Variants in FHIT observed in about 807,000 individuals in gnomAD.
FHIT encodes the protein bis(5'-adenosyl)-triphosphatase.
FHIT carries 19 observed loss-of-function variants against 17.9 expected under a neutral mutation model. The observed-to-expected ratio is 1.06, with a 90% CI of 0.74 to 1.56. FHIT has a LOEUF of 1.56. Among genes scored for constraint, FHIT ranks in the 40% most tolerant of loss-of-function variants. The pLI, the probability that FHIT is intolerant of heterozygous loss-of-function variation, is 0.00. For missense variants in FHIT, 248 were observed against 189.2 expected, an observed-to-expected ratio of 1.31 and a Z score of -1.82; for synonymous variants, 81 against 69.7, an observed-to-expected ratio of 1.16 and a Z score of -0.81.
intron 5 of FHIT, among the ~76,000 whole-genome samples, chr3:60,477,100 C>CT (rs35534111): frequency 6.6e-6 from 1 of 151,966 alleles, no homozygotes; most frequent in South Asian, 2.1e-4. Context: ...CAATCACCAC[C>CT]TTTTTTTCCT....
At position 60,013,618 on chromosome 3, in the gene FHIT, C is replaced by T. The variant is rs1344761068; in HGVS notation, c.249+389G>A. 2.6e-5 allele frequency among the ~76,000 whole-genome samples: 4 copies of T among 152,316 alleles called. No homozygotes were observed. The South Asian group carries it at 6.2e-4, about 24-fold the overall frequency. On this transcript the variant is annotated intron_variant, in intron 6 of 9. Coordinates refer to ENST00000492590, the MANE Select transcript of FHIT (RefSeq NM_002012.4). ...AAGACAGACAAAAGGTAAGGCCCAA[C>T]CTAAGCTGCATATCACTGCCACCCT... is the stretch of plus-strand genomic sequence containing the variant.
intron 8 of FHIT, among the ~76,000 whole-genome samples, chr3:59,809,116 C>T (rs1000808151): frequency 6.6e-6 from 1 of 152,144 alleles, no homozygotes. Context: ...GGAACACATA[C>T]TGGGTTGAAG....
At chr3:60,824,156 G>T (rs1702034152) in intron 3 of FHIT, among the ~76,000 whole-genome samples, 1 of 152,188 alleles carries the variant, frequency 6.6e-6, no homozygotes, top group Non-Finnish European at 1.5e-5. Context: ...TGGCTATTCG[G>T]TAAGAATAAA....
intron 5 of FHIT, among the ~76,000 whole-genome samples, chr3:60,414,781 T>A (rs965104330): frequency 6.6e-6 from 1 of 152,154 alleles, no homozygotes. Context: ...TAGTAGAAGA[T>A]GTGAGCATGC....
chr3:60,913,101 T>C (rs868963632), intron 3 of FHIT, among the ~76,000 whole-genome samples: 9 of 152,350 alleles, frequency 5.9e-5, no homozygotes, highest in South Asian at 2.1e-4. Context: ...AAAGCATCCA[T>C]GTTGGTTAAA....
intron 5 of FHIT, among the ~76,000 whole-genome samples, chr3:60,530,949 C>A (rs887755160): frequency 3.2e-4 from 49 of 152,242 alleles, no homozygotes; most frequent in African/African-American, 1.2e-3. Flanking sequence ...AAACCTTTCC[C>A]ACAGAAGTAG....
intron 3 of FHIT, among the ~76,000 whole-genome samples, chr3:60,961,512 T>C (rs972241715): frequency 6.6e-6 from 1 of 152,230 alleles, no homozygotes; most frequent in Non-Finnish European, 1.5e-5. Flanking sequence ...CCCATGCCTA[T>C]ATCCTGAATG....
chr3:60,881,991 C>T (rs1310640366), intron 3 of FHIT, among the ~76,000 whole-genome samples: 6 of 151,760 alleles, frequency 4.0e-5, no homozygotes, highest in African/African-American at 1.5e-4. Context: ...AATTAACAAA[C>T]CACGAGCTAA....
rs1219466616 is a variant in FHIT at position 60,895,661 on chromosome 3, CCTTCCTTTCTTTCTTTCTTT to C, written c.-110-73670_-110-73651del. Among the ~76,000 whole-genome samples the C allele has an allele frequency of 7.1e-3, 994 of 139,160 alleles. 32 individuals are homozygous for C. Among genetic ancestry groups the C allele is most frequent in the African/African-American group, 0.028 (942 of 34,154 alleles). The allele number at this position is 139,160 out of a possible 152,430, so 91.3% of individuals were successfully genotyped here. On this transcript the variant is annotated intron_variant, in intron 3 of 9. Transcript: ENST00000492590. Reference sequence around the variant, plus strand: ...CTTTCCTTCCTTTCCCTCCTTCCTTCCTTCCTTTCTTTCTTTCTTTCTTTCTTTCTTTCTTTCTTTCTTTC... The same window carrying C: ...CTTTCCTTCCTTTCCCTCCTTCCTTCCTTTCTTTCTTTCTTTCTTTCTTTC...
intron 4 of FHIT, among the ~76,000 whole-genome samples, chr3:60,762,779 C>T (rs782518962): frequency 5.9e-5 from 9 of 151,930 alleles, no homozygotes; most frequent in Non-Finnish European, 1.2e-4. Flanking sequence ...AGTTGACAGT[C>T]TTAGAAAAAG....
intron 4 of FHIT, among the ~76,000 whole-genome samples, chr3:60,790,469 C>A (rs1553728191): frequency 6.6e-6 from 1 of 152,152 alleles, no homozygotes; most frequent in Non-Finnish European, 1.5e-5. Context: ...ACAAAAGCTG[C>A]AGTAGTCTCC....
At chr3:60,521,189 G>C (rs1467479512) in intron 5 of FHIT, among the ~76,000 whole-genome samples, 2 of 151,552 alleles carry the variant, frequency 1.3e-5, no homozygotes, top group Non-Finnish European at 2.9e-5. Context: ...TCCATTCCAA[G>C]ACCCATGCTC....
intron 5 of FHIT, among the ~76,000 whole-genome samples, chr3:60,048,713 T>C (rs186387381): frequency 1.3e-5 from 2 of 152,320 alleles, no homozygotes; most frequent in East Asian, 3.9e-4. Context: ...TCTGAGAATG[T>C]GATACTTGGA....
At chr3:60,190,628 C>A (rs993473424) in intron 5 of FHIT, among the ~76,000 whole-genome samples, 2 of 150,920 alleles carry the variant, frequency 1.3e-5, no homozygotes, top group Admixed American at 1.3e-4. Flanking sequence ...GGTGGGGGAG[C>A]AGGGAGGGAT....
chr3:61,174,388 ATG>A (rs1459729997), intron 2 of FHIT, among the ~76,000 whole-genome samples: 1 of 152,260 alleles, frequency 6.6e-6, no homozygotes, highest in East Asian at 1.9e-4. Context: ...GATATAATTT[ATG>A]TGAGTAAGCA....
In FHIT at chr3:61,202,713, A is replaced by G. The variant is rs546067702; in HGVS notation, c.-212-2048T>C. Among the ~76,000 whole-genome samples the G allele has an allele frequency of 4.6e-5, 7 of 152,206 alleles. No individual in the cohort carries two copies. In the South Asian group the frequency reaches 1.4e-3, roughly 31 times the overall value. On this transcript the variant is annotated intron_variant, in intron 1 of 9. Transcript: ENST00000492590. ...TCTTAAAGTCAACCAGAGAGGGAAAAAAAAGAGACTTCTAGCAAAAGAACA... is the reference window on the plus strand; with the variant it reads ...TCTTAAAGTCAACCAGAGAGGGAAAGAAAAGAGACTTCTAGCAAAAGAACA...
intron 5 of FHIT, among the ~76,000 whole-genome samples, chr3:60,451,401 A>G (rs1003517980): frequency 6.6e-6 from 1 of 152,104 alleles, no homozygotes; most frequent in Non-Finnish European, 1.5e-5. Context: ...CCCCCACTTC[A>G]ATAACCCGAA....
At chr3:61,018,360 A>G (rs1030512265) in intron 3 of FHIT, among the ~76,000 whole-genome samples, 1 of 152,238 alleles carries the variant, frequency 6.6e-6, no homozygotes, top group African/African-American at 2.4e-5. Context: ...TTCACTTCTG[A>G]GCAAATAGCA....
At chr3:60,573,633 C>T (rs1352587011) in intron 4 of FHIT, among the ~76,000 whole-genome samples, 1 of 152,096 alleles carries the variant, frequency 6.6e-6, no homozygotes. Flanking sequence ...GCATGCAGCT[C>T]CCTGCTGCTC....
Sources: gnomAD v4.1 joint callset for allele counts (sites outside exome capture counted in the v4.1 genomes callset) on GRCh38, gnomAD v4.1.1 for gene constraint, MANE v1.5 for transcripts, NCBI Gene and HGNC (gene_info 2026-07-23, HGNC 2026-07-21) for gene names.